The following STXBP3 variants were observed in gnomAD, a reference collection of about 807,000 sequenced individuals.
STXBP3 encodes syntaxin-binding protein 3.
In STXBP3, 41 loss-of-function variants were observed where a neutral mutation model predicts 85.7. The observed-to-expected ratio is 0.48, with a 90% CI of 0.37 to 0.62. STXBP3 has a LOEUF of 0.62. Among genes scored for constraint, STXBP3 ranks in the 20% least tolerant of loss-of-function variants. STXBP3 has a pLI of 0.00. For synonymous variants in STXBP3, 229 were observed against 231.7 expected (o/e 0.99, Z 0.10); for missense variants, 563 against 703.1 (o/e 0.80, Z 2.25).
chr1:108,794,136 G>A (rs1663039840), intron 12 of STXBP3, among the ~76,000 whole-genome samples: 1 of 152,138 alleles, frequency 6.6e-6, no homozygotes, highest in Admixed American at 6.5e-5. Context: ...GAAACATTTA[G>A]AAAGATAAAT....
intron 11 of STXBP3, among the ~76,000 whole-genome samples, chr1:108,783,784 A>AT (rs1410209728): frequency 6.6e-6 from 1 of 152,204 alleles, no homozygotes; most frequent in Non-Finnish European, 1.5e-5. Context: ...ATCAGCAATA[A>AT]TTGAGTGCTC....
rs761754963 is a variant in STXBP3 at position 108,798,140 on chromosome 1, A to G, written c.1357-5A>G. 2.9e-5 allele frequency: 47 copies of G among 1,599,002 alleles called. No homozygotes were observed. Among genetic ancestry groups the G allele is most frequent in the Non-Finnish European group, 2.6e-5 (30 of 1,174,912 alleles). On this transcript the variant is annotated splice_polypyrimidine_tract_variant and splice_region_variant and intron_variant, in intron 15 of 18. Transcript: ENST00000370008. ...TTTTTAATTTTTTTCCTCTAATTGT[A>G]TTAGTCTCAACAAGGCAAACCGTTA...
intron 7 of STXBP3, among the ~76,000 whole-genome samples, chr1:108,774,092 G>C (rs921211648): frequency 1.3e-5 from 2 of 152,018 alleles, no homozygotes; most frequent in Non-Finnish European, 2.9e-5. Context: ...TTTTGAGCTG[G>C]TATAAATGGA....
chr1:108,762,132 A>G (rs1236494972), intron 6 of STXBP3, among the ~76,000 whole-genome samples: 1 of 152,216 alleles, frequency 6.6e-6, no homozygotes, highest in African/African-American at 2.4e-5. Context: ...TATCAAGATT[A>G]TGTTCAGTGG....
intron 11 of STXBP3, among the ~76,000 whole-genome samples, chr1:108,786,387 G>C (rs1307236021): frequency 2.0e-5 from 3 of 152,224 alleles, no homozygotes; most frequent in Admixed American, 6.5e-5. Context: ...TGACGCGTGG[G>C]GATTATTACA....
At chr1:108,799,145 T>C (rs997125509) in intron 16 of STXBP3, among the ~76,000 whole-genome samples, 6 of 152,328 alleles carry the variant, frequency 3.9e-5, no homozygotes, top group Non-Finnish European at 7.4e-5. Flanking sequence ...GTTTATACTT[T>C]CTTTGGGGAG....
intron 9 of STXBP3, chr1:108,780,416 A>G (rs1662690724): frequency 1.3e-5 from 2 of 151,994 alleles, no homozygotes; most frequent in Non-Finnish European, 2.9e-5. Context: ...TTTTAAGTAG[A>G]CTTATTTTTT....
chr1:108,803,208 C>T (rs1260915030), intron 17 of STXBP3, among the ~76,000 whole-genome samples: 4 of 152,256 alleles, frequency 2.6e-5, no homozygotes, highest in African/African-American at 4.8e-5. Flanking sequence ...TCAACAAAGT[C>T]GAAGATTAAT....
chr1:108,771,986 CTGTATCATATATAAATACATATGA>C (rs1245573222), intron 6 of STXBP3, among the ~76,000 whole-genome samples: 1 of 5,426 alleles, frequency 1.8e-4, no homozygotes, highest in Non-Finnish European at 2.8e-4. Flanking sequence ...CATATGATAT[CTGTATCATATATAAATACATATGA>C]TATCTGTATC....
chr1:108,807,279 AAAT>A, intron 17 of STXBP3, 119 bp from the exon 18 acceptor site: 3 of 904,056 alleles, frequency 3.3e-6, no homozygotes, highest in Non-Finnish European at 4.7e-6. Flanking sequence ...AAAAAAAAAA[AAAT>A]CAATGTAATT....
intron 11 of STXBP3, among the ~76,000 whole-genome samples, chr1:108,788,648 G>C (rs1396940321): frequency 1.3e-5 from 2 of 151,998 alleles, no homozygotes; most frequent in Admixed American, 1.3e-4. Flanking sequence ...CAGGGAATTT[G>C]TCTATTATAT....
intron 11 of STXBP3, among the ~76,000 whole-genome samples, chr1:108,784,134 T>A (rs1662778211): frequency 6.6e-6 from 1 of 152,246 alleles, no homozygotes; most frequent in South Asian, 2.1e-4. Flanking sequence ...TTTCTCTGTG[T>A]CCTTAGAAGT....
At chr1:108,792,539 A>G (rs1051534114) in intron 11 of STXBP3, among the ~76,000 whole-genome samples, 7 of 152,208 alleles carry the variant, frequency 4.6e-5, no homozygotes, top group Non-Finnish European at 8.8e-5. Flanking sequence ...TCCTCTAGCT[A>G]TTTTGAAATA....
At chr1:108,777,216 A>G (rs972081865) in intron 8 of STXBP3, among the ~76,000 whole-genome samples, 8 of 152,124 alleles carry the variant, frequency 5.3e-5, no homozygotes, top group African/African-American at 1.9e-4. Context: ...ACTGTGTAAT[A>G]AGTGGAATGA....
chr1:108,755,311 G>T (rs185454201), intron 3 of STXBP3, among the ~76,000 whole-genome samples: 1 of 152,020 alleles, frequency 6.6e-6, no homozygotes, highest in Admixed American at 6.6e-5. Context: ...ACCAAGCATG[G>T]TGGCACATAC....
intron 6 of STXBP3, among the ~76,000 whole-genome samples, chr1:108,761,858 A>G (rs1662148677): frequency 6.6e-6 from 1 of 152,090 alleles, no homozygotes; most frequent in African/African-American, 2.4e-5. Flanking sequence ...CTGTAGTCCC[A>G]GCTACTTGGG....
In STXBP3 at chr1:108,758,500, C is replaced by CT; in HGVS notation, c.259-4dup. The stretch of plus-strand genomic sequence containing the variant: ...AATAAAATGTGTATTAACATCTAAC[C>CT]TTTTTTAAGTCTGTAGATTGTTTCT... On this transcript the variant is annotated splice_polypyrimidine_tract_variant and intron_variant, in intron 4 of 18. Transcript: ENST00000370008. 3 of 1,451,860 alleles carry CT rather than the reference C, an allele frequency of 2.1e-6. No homozygotes were observed. Among genetic ancestry groups the CT allele is most frequent in the South Asian group, 2.9e-5 (2 of 70,070 alleles). 89.9% of individuals were successfully genotyped at this position (1,451,860 alleles called of 1,614,324 possible). A position where few individuals can be genotyped will look rare whatever the true frequency, so the allele number is the denominator to read the frequency against.
At chr1:108,793,719 C>T in intron 12 of STXBP3, 72 bp downstream of exon 12, 2 of 1,341,918 alleles carry the variant, frequency 1.5e-6, no homozygotes, top group African/African-American at 2.9e-5. Flanking sequence ...TTCTGTAGTT[C>T]GATTTAGCAG....
rs1662276557 is a variant in STXBP3, at chr1:108,766,947, C to T, written c.439-5718C>T. Reference sequence around the variant, plus strand: ...TGGGGAGGACTTCAGTGGCACTATTCCAATTTTATTGATCCATACTGTTGC... The same window carrying T: ...TGGGGAGGACTTCAGTGGCACTATTTCAATTTTATTGATCCATACTGTTGC... On this transcript the variant is annotated intron_variant, in intron 6 of 18. Transcript: ENST00000370008. 19 of 534,654 alleles carry T rather than the reference C, an allele frequency of 3.6e-5. 1 individual carries two copies. Among genetic ancestry groups the T allele is most frequent in the South Asian group, 2.5e-4 (18 of 70,758 alleles). The allele number at this position is 534,654 out of a possible 1,614,324, so 33.1% of individuals were successfully genotyped here.
Sources: allele counts gnomAD v4.1 joint callset (sites outside exome capture counted in the v4.1 genomes callset), GRCh38; gene constraint gnomAD v4.1.1; transcripts MANE v1.5; gene names NCBI Gene and HGNC (gene_info 2026-07-23, HGNC 2026-07-21).